Variants in BRMS1L observed in about 807,000 individuals in gnomAD.
The protein encoded by BRMS1L is BRMS1 like transcriptional repressor, also known as breast cancer metastasis-suppressor 1-like protein.
In BRMS1L, 23 loss-of-function variants were observed where a neutral mutation model predicts 50.3. That is an observed-to-expected ratio of 0.46 (90% CI 0.33 to 0.65). The LOEUF (loss-of-function observed/expected upper bound fraction) is 0.65, where lower values mean the gene tolerates loss of function less well. BRMS1L is among the 30% of genes least tolerant of loss of function. The probability of loss-of-function intolerance (pLI) is 0.02; values close to 1 mark genes in which losing one functional copy is unlikely to be tolerated. For missense variants in BRMS1L, 286 were observed against 386.1 expected, an observed-to-expected ratio of 0.74 and a Z score of 2.17; for synonymous variants, 114 against 126.9, an observed-to-expected ratio of 0.90 and a Z score of 0.69.
intron 1 of BRMS1L, among the ~76,000 whole-genome samples, chr14:35,831,158 T>C (rs2077914973): frequency 6.6e-6 from 1 of 152,134 alleles, no homozygotes. Context: ...CAGGCTGATC[T>C]TGAAGTCCTG....
rs780653502 is a variant in BRMS1L at position 35,833,136 on chromosome 14, A to G, written c.361+31A>G. ...AAAGTGAAGAATCTTTTCCATATAT[A>G]GAATGTAAACTCTTCAGTAGCTTTA... is the stretch of plus-strand genomic sequence containing the variant. On this transcript the variant is annotated intron_variant, in intron 3 of 9. Transcript: ENST00000216807. 10 of 1,591,490 alleles carry G rather than the reference A, an allele frequency of 6.3e-6. No homozygotes were observed. In the Admixed American group the frequency reaches 1.2e-4, roughly 19 times the overall value.
At chr14:35,857,046 G>C (rs1415822764) in intron 4 of BRMS1L, among the ~76,000 whole-genome samples, 2 of 151,858 alleles carry the variant, frequency 1.3e-5, no homozygotes, top group Non-Finnish European at 2.9e-5. Context: ...TTTGTGACCA[G>C]CCTGGCCAAT....
intron 4 of BRMS1L, among the ~76,000 whole-genome samples, chr14:35,839,430 G>C (rs563480407): frequency 6.6e-6 from 1 of 152,276 alleles, no homozygotes; most frequent in East Asian, 1.9e-4. Flanking sequence ...AGCTTGATCA[G>C]AATAGCATTG....
At chr14:35,835,775 G>A (rs374949457) in intron 4 of BRMS1L, among the ~76,000 whole-genome samples, 2 of 152,172 alleles carry the variant, frequency 1.3e-5, no homozygotes, top group Admixed American at 6.5e-5. Context: ...ACCTTCGGAG[G>A]TTGAGGCTGC....
Position 35,865,778 on chromosome 14 carries a change from G to A in BRMS1L, c.727+17G>A, listed in dbSNP as rs1295502775. 1 of 1,600,678 alleles carries A rather than the reference G, an allele frequency of 6.2e-7. No homozygotes were observed. The highest frequency in any genetic ancestry group is 1.1e-5 in the South Asian group (1 of 88,698). On this transcript the variant is annotated intron_variant, in intron 8 of 9. Transcript: ENST00000216807. ...AAACGGAACGTAAGTCATTTAGTCT[G>A]AGTTGGGAAATATTCTCTTTGGAGA...
intron 4 of BRMS1L, among the ~76,000 whole-genome samples, chr14:35,843,990 G>A (rs1042124877): frequency 1.3e-5 from 2 of 152,118 alleles, no homozygotes; most frequent in Non-Finnish European, 1.5e-5. Flanking sequence ...ACACTGTGAG[G>A]GGAAAACTGC....
rs1041414384 is a variant in BRMS1L at position 35,862,253 on chromosome 14, T to C, written c.442-337T>C. Among the ~76,000 whole-genome samples the C allele has an allele frequency of 5.9e-5, 9 of 152,304 alleles. No individual in the cohort carries two copies. In the East Asian group the frequency reaches 1.7e-3, roughly 29 times the overall value. Reference sequence around the variant, plus strand: ...ACTTTATAGGATAAGTTTTCCATGATGGTGACAGATGGGACCTACTTAAAT... The same window carrying C: ...ACTTTATAGGATAAGTTTTCCATGACGGTGACAGATGGGACCTACTTAAAT... On this transcript the variant is annotated intron_variant, in intron 4 of 9. Coordinates refer to ENST00000216807, the MANE Select transcript of BRMS1L (RefSeq NM_032352.4).
chr14:35,844,793 T>C (rs2078112293), intron 4 of BRMS1L, among the ~76,000 whole-genome samples: 1 of 152,206 alleles, frequency 6.6e-6, no homozygotes, highest in African/African-American at 2.4e-5. Context: ...AATTACTTTT[T>C]ATTTTTTGCT....
At chr14:35,862,198 G>A (rs529207592) in intron 4 of BRMS1L, among the ~76,000 whole-genome samples, 2 of 152,170 alleles carry the variant, frequency 1.3e-5, no homozygotes, top group South Asian at 4.2e-4. Flanking sequence ...TTATTCCTGT[G>A]AGAAAATATG....
chr14:35,842,246 TA>T (rs772566498), intron 4 of BRMS1L, among the ~76,000 whole-genome samples: 2 of 152,196 alleles, frequency 1.3e-5, no homozygotes, highest in African/African-American at 2.4e-5. Context: ...TTTTGCCTGT[TA>T]GTTGATGCAG....
chr14:35,847,089 C>T (rs1035623848), intron 4 of BRMS1L, among the ~76,000 whole-genome samples: 4 of 151,922 alleles, frequency 2.6e-5, no homozygotes, highest in Non-Finnish European at 4.4e-5. Context: ...ATCTTCCCAC[C>T]TCAGCATCTC....
At chr14:35,837,488 T>A (rs1227519991) in intron 4 of BRMS1L, among the ~76,000 whole-genome samples, 1 of 152,194 alleles carries the variant, frequency 6.6e-6, no homozygotes, top group Non-Finnish European at 1.5e-5. Flanking sequence ...AGTATCTTTT[T>A]CTATTGCTTT....
At chr14:35,849,823 C>T (rs1411145600) in intron 4 of BRMS1L, among the ~76,000 whole-genome samples, 2 of 145,634 alleles carry the variant, frequency 1.4e-5, no homozygotes, top group Non-Finnish European at 3.0e-5. Flanking sequence ...TTCTGTCTTT[C>T]TTTTTTTTTT....
chr14:35,864,931 C>A lies in BRMS1L; in HGVS notation c.623-4C>A. On this transcript the variant is annotated splice_region_variant and splice_polypyrimidine_tract_variant and intron_variant, in intron 6 of 9. Transcript: ENST00000216807. Reference sequence around the variant, plus strand: ...TACAGCTAAATTGACCTTGACTATTCAACGTCCATATATAGTTTATATGCT... The same window carrying A: ...TACAGCTAAATTGACCTTGACTATTAAACGTCCATATATAGTTTATATGCT... 1 of 1,554,322 alleles carries A rather than the reference C, an allele frequency of 6.4e-7. No homozygotes were observed. Among genetic ancestry groups the A allele is most frequent in the South Asian group, 1.2e-5 (1 of 81,550 alleles).
intron 4 of BRMS1L, among the ~76,000 whole-genome samples, chr14:35,845,026 A>G (rs1370718666): frequency 6.6e-6 from 1 of 152,144 alleles, no homozygotes; most frequent in African/African-American, 2.4e-5. Context: ...GACTATAGGC[A>G]TATGCCACCA....
intron 1 of BRMS1L, chr14:35,829,682 A>T: frequency 2.6e-6 from 1 of 383,810 alleles, no homozygotes; most frequent in Non-Finnish European, 4.5e-6. Flanking sequence ...GCCAAGAAGT[A>T]AGCAATCAAA....
chr14:35,855,877 G>C (rs2078273173), intron 4 of BRMS1L, among the ~76,000 whole-genome samples: 1 of 152,146 alleles, frequency 6.6e-6, no homozygotes, highest in Admixed American at 6.5e-5. Flanking sequence ...TTATGAGTGG[G>C]TTAACTGAGG....
chr14:35,862,565 A>G (rs2142061781), intron 4 of BRMS1L, 25 bp from the exon 5 acceptor site: 2 of 1,509,548 alleles, frequency 1.3e-6, no homozygotes, highest in Non-Finnish European at 1.8e-6. Context: ...CTTTCTACTT[A>G]AGTATAATCT....
rs193064100 is a variant in BRMS1L, at chr14:35,866,851, A to G, written c.728-1055A>G. Among the ~76,000 whole-genome samples the G allele has an allele frequency of 4.7e-3, 717 of 152,310 alleles. 1 individual carries two copies. The highest frequency in any genetic ancestry group is 7.5e-3 in the Non-Finnish European group (513 of 68,018). ...CAGTGGTTCTTAACATTTTTGGGTA[A>G]TAGATTCCTTTTGAGAATCTCATTA... On this transcript the variant is annotated intron_variant, in intron 8 of 9. Coordinates refer to ENST00000216807, the MANE Select transcript of BRMS1L (RefSeq NM_032352.4).
Sources: gnomAD v4.1 joint callset for allele counts (sites outside exome capture counted in the v4.1 genomes callset) on GRCh38, gnomAD v4.1.1 for gene constraint, MANE v1.5 for transcripts, NCBI Gene and HGNC (gene_info 2026-07-23, HGNC 2026-07-21) for gene names.